PIK3CG: variants seen among roughly 807,000 people sequenced by gnomAD.
PIK3CG encodes phosphatidylinositol 4,5-bisphosphate 3-kinase catalytic subunit gamma isoform.
A neutral mutation model predicts 102.3 loss-of-function variants in PIK3CG; 55 were observed. The ratio of observed to expected loss-of-function variants is 0.54; its 90% CI spans 0.43 to 0.67. The LOEUF (loss-of-function observed/expected upper bound fraction) is 0.67, where lower values mean the gene tolerates loss of function less well. PIK3CG is among the 30% of genes least tolerant of loss of function. PIK3CG has a pLI of 0.00. For synonymous variants in PIK3CG, 552 were observed against 540.0 expected (o/e 1.02, Z -0.31); for missense variants, 1,258 against 1,391.8 (o/e 0.90, Z 1.53).
At position 106,868,845 on chromosome 7, in the gene PIK3CG, A is replaced by G. The variant is rs751429343; in HGVS notation, c.1284A>G (p.Leu428=). 5 of 1,614,162 alleles carry G rather than the reference A, an allele frequency of 3.1e-6. No individual in the cohort carries two copies. In the South Asian group the frequency reaches 5.5e-5, roughly 18 times the overall value. The part of the protein sequence containing the change: ...IKIKDLPKGA[L]LNLQIYCGKA... ...TCAAAGACTTGCCCAAAGGGGCTCT[A>G]CTGAACCTCCAGATCTACTGCGGTA... Residue 428 remains leucine (L), a synonymous_variant, in exon 2 of 11, where the codon CTA becomes CTG. Transcript: ENST00000496166. The surrounding 1 kb of genome is among the most constrained non-coding windows in gnomAD (Gnocchi z 6.2).
Position 106,872,027 on chromosome 7 carries a change from G to A in PIK3CG, c.1996-510G>A, listed in dbSNP as rs955082078. Among the ~76,000 whole-genome samples, 1 of 152,218 alleles carries A rather than the reference G, an allele frequency of 6.6e-6. No homozygotes were observed. The highest frequency in any genetic ancestry group is 2.4e-5 in the African/African-American group (1 of 41,448). Reference sequence around the variant, plus strand: ...AGTTAAGGACCTGTGAGACAGTTCAGTGACTTGCCAGTGAGATGCCGAAAA... The same window carrying A: ...AGTTAAGGACCTGTGAGACAGTTCAATGACTTGCCAGTGAGATGCCGAAAA... On this transcript the variant is annotated intron_variant, in intron 2 of 10. Transcript: ENST00000496166. This position sits in a 1 kb window ranked among gnomAD's most constrained non-coding sequence, Gnocchi z 5.3.
At position 106,894,135 on chromosome 7, in the gene PIK3CG, G is replaced by A. The variant is rs1791339691; in HGVS notation, c.3030+7843G>A. Among the ~76,000 whole-genome samples the A allele has an allele frequency of 6.6e-6, 1 of 152,040 alleles. No homozygotes were observed. Among genetic ancestry groups the A allele is most frequent in the African/African-American group, 2.4e-5 (1 of 41,400 alleles). The stretch of plus-strand genomic sequence containing the variant: ...TTAGCCTCCTTCCCCAACCCATTGT[G>A]GATTGTTTCCTTTCCTTTTTTCAGC... On this transcript the variant is annotated intron_variant, in intron 10 of 10. Coordinates refer to ENST00000496166, the MANE Select transcript of PIK3CG (RefSeq NM_001282426.2). The surrounding 1 kb of genome is among the most constrained non-coding windows in gnomAD (Gnocchi z 4.4).
chr7:106,882,744 G>A (rs1193481002), intron 7 of PIK3CG: 1 of 265,774 alleles, frequency 3.8e-6, no homozygotes, highest in Non-Finnish European at 7.0e-6. Flanking sequence ...ATCTGAGGAA[G>A]GATATGCTCA....
rs1467972918 is a variant in PIK3CG at position 106,906,836 on chromosome 7, T to C, written c.*1449T>C. 8.9e-6 allele frequency: 2 copies of C among 225,882 alleles called. No individual in the cohort carries two copies. The highest frequency in any genetic ancestry group is 2.2e-5 in the African/African-American group (1 of 44,794). The allele number at this position is 225,882 out of a possible 1,614,324, so 14.0% of individuals were successfully genotyped here. A position where few individuals can be genotyped will look rare whatever the true frequency, so the allele number is the denominator to read the frequency against. Reference sequence around the variant, plus strand: ...TGAGGTAGTCCAGACCTTTTCTTTTTTTTTTTTTTTTTAATGTGTGCAAAA... The same window carrying C: ...TGAGGTAGTCCAGACCTTTTCTTTTCTTTTTTTTTTTTAATGTGTGCAAAA... On this transcript the variant is annotated 3_prime_UTR_variant, in exon 11 of 11. Coordinates refer to ENST00000496166, the MANE Select transcript of PIK3CG (RefSeq NM_001282426.2).
chr7:106,888,805 G>A (rs990194649), intron 10 of PIK3CG, among the ~76,000 whole-genome samples: 2 of 152,144 alleles, frequency 1.3e-5, no homozygotes, highest in African/African-American at 2.4e-5. Context: ...GCTTTGTAGC[G>A]GAGAAACTTG....
At position 106,867,775 on chromosome 7, in the gene PIK3CG, G is replaced by A. The variant is rs1183868916; in HGVS notation, c.214G>A (p.Ala72Thr). The A allele has an allele frequency of 1.9e-6, 3 of 1,612,886 alleles. No homozygotes were observed. Among genetic ancestry groups the A allele is most frequent in the Non-Finnish European group, 2.5e-6 (3 of 1,179,936 alleles). ...AGHGNVEQMK[A>T]QVWLRALETS... ...CCACGGCAACGTGGAGCAGATGAAG[G>A]CCCAGGTGTGGCTGCGAGCGCTGGA... The change falls in exon 2 of 11, where the codon GCC (alanine) becomes ACC (threonine). Residue 72 changes from alanine to threonine, a missense_variant. Ala to Thr is a moderately conservative substitution (Grantham distance 58, BLOSUM62 0). Transcript: ENST00000496166. This position sits in a 1 kb window ranked among gnomAD's most constrained non-coding sequence, Gnocchi z 5.1.
chr7:106,891,730 G>A lies in PIK3CG; in HGVS notation c.3030+5438G>A, dbSNP rs963163306. Among the ~76,000 whole-genome samples the A allele has an allele frequency of 5.9e-5, 9 of 152,042 alleles. No individual in the cohort carries two copies. Among genetic ancestry groups the A allele is most frequent in the African/African-American group, 1.9e-4 (8 of 41,396 alleles). On this transcript the variant is annotated intron_variant, in intron 10 of 10. Transcript: ENST00000496166. The surrounding 1 kb of genome is among the most constrained non-coding windows in gnomAD (Gnocchi z 4.4). ...TGTCTTTAAAAGGCACTTGCCCCTA[G>A]ATGTCACTCTTAAGAAGCATTTTAT...
chr7:106,882,055 G>C (rs1790955378), intron 6 of PIK3CG, 62 bp from the exon 7 acceptor site: 1 of 654,036 alleles, frequency 1.5e-6, no homozygotes, highest in Non-Finnish European at 2.2e-6. Flanking sequence ...TTTTAAGGGA[G>C]AAGAAAAATA....
rs141180881 is a variant in PIK3CG at position 106,896,426 on chromosome 7, G to A, written c.3031-8683G>A. Among the ~76,000 whole-genome samples, 291 of 152,260 alleles carry A rather than the reference G, an allele frequency of 1.9e-3. 3 individuals are homozygous for A. Among genetic ancestry groups the A allele is most frequent in the African/African-American group, 5.9e-3 (244 of 41,554 alleles). On this transcript the variant is annotated intron_variant, in intron 10 of 10. Coordinates refer to ENST00000496166, the MANE Select transcript of PIK3CG (RefSeq NM_001282426.2). ...GTACTCTAATTCAAAACCAAAAGGC[G>A]TCCCCATCTATGTCCTTGTGAAAAT...
At position 106,869,617 on chromosome 7, in the gene PIK3CG, C is replaced by G. The variant is rs1790461898; in HGVS notation, c.1995+61C>G. On this transcript the variant is annotated intron_variant, in intron 2 of 10. Coordinates refer to ENST00000496166, the MANE Select transcript of PIK3CG (RefSeq NM_001282426.2). This position sits in a 1 kb window ranked among gnomAD's most constrained non-coding sequence, Gnocchi z 5.3. ...CAAAAGGAATTGATTTGCATATGCA[C>G]AGGCACTCCATTCAGTTGTCATCAA... 7 of 1,340,664 alleles carry G rather than the reference C, an allele frequency of 5.2e-6. No individual in the cohort carries two copies. The South Asian group carries it at 7.1e-5, about 14-fold the overall frequency. The allele number at this position is 1,340,664 out of a possible 1,614,324, so 83.0% of individuals were successfully genotyped here.
intron 1 of PIK3CG, 140 bp downstream of exon 1, chr7:106,865,566 C>G (rs1438542624): frequency 6.6e-6 from 1 of 152,142 alleles, no homozygotes; most frequent in Non-Finnish European, 1.5e-5. Flanking sequence ...ATTGTCTAGT[C>G]CAACCTGTAT....
chr7:106,867,818 A>T lies in PIK3CG; in HGVS notation c.257A>T (p.Asp86Val), dbSNP rs1034199475. The T allele has an allele frequency of 2.5e-6, 4 of 1,612,402 alleles. No individual in the cohort carries two copies. Among genetic ancestry groups the T allele is most frequent in the Non-Finnish European group, 3.4e-6 (4 of 1,179,930 alleles). The change falls in exon 2 of 11, where the codon GAC (aspartate) becomes GTC (valine). Residue 86 changes from aspartate to valine, a missense_variant. Asp to Val is a radical substitution (Grantham distance 152). Coordinates refer to ENST00000496166, the MANE Select transcript of PIK3CG (RefSeq NM_001282426.2). The surrounding 1 kb of genome is among the most constrained non-coding windows in gnomAD (Gnocchi z 5.1). ...LRALETSVAA[D>V]FYHRLGPHHF... ...GCGCTGGAGACCAGCGTGGCGGCGGACTTCTACCACCGGCTGGGACCGCAT... is the reference window on the plus strand; with the variant it reads ...GCGCTGGAGACCAGCGTGGCGGCGGTCTTCTACCACCGGCTGGGACCGCAT...
rs2116560885 is a variant in PIK3CG at position 106,886,172 on chromosome 7, G to T, written c.2910G>T (p.Gly970=). 3 of 1,614,016 alleles carry T rather than the reference G, an allele frequency of 1.9e-6. No individual in the cohort carries two copies. The highest frequency in any genetic ancestry group is 2.5e-6 in the Non-Finnish European group (3 of 1,179,958). Residue 970 remains glycine, a synonymous_variant, in exon 10 of 11, where the codon GGG becomes GGT. Transcript: ENST00000496166. ...LFHIDFGHIL[G]NYKSFLGINK... Reference sequence around the variant, plus strand: ...ATATTGACTTCGGGCACATTCTTGGGAATTACAAAAGTTTCCTGGGCATTA... The same window carrying T: ...ATATTGACTTCGGGCACATTCTTGGTAATTACAAAAGTTTCCTGGGCATTA...
chr7:106,867,287 A>G lies in PIK3CG; in HGVS notation c.-12-263A>G, dbSNP rs1790318137. On this transcript the variant is annotated intron_variant, in intron 1 of 10. Coordinates refer to ENST00000496166, the MANE Select transcript of PIK3CG (RefSeq NM_001282426.2). The surrounding 1 kb of genome is among the most constrained non-coding windows in gnomAD (Gnocchi z 5.1). ...CTCTCCCTCTGGGGCATTCATTACT[A>G]ACCAGTTTGAGAGATGAGAAACAGG... is the stretch of plus-strand genomic sequence containing the variant. Among the ~76,000 whole-genome samples, 1 of 152,154 alleles carries G rather than the reference A, an allele frequency of 6.6e-6. No homozygotes were observed.
intron 10 of PIK3CG, among the ~76,000 whole-genome samples, chr7:106,904,134 A>G (rs1791630203): frequency 6.6e-6 from 1 of 152,174 alleles, no homozygotes; most frequent in African/African-American, 2.4e-5. Context: ...AATTTCAAAT[A>G]ATTCTTCACA....
In PIK3CG at chr7:106,905,447, C is replaced by G. The variant is rs570872249; in HGVS notation, c.*60C>G. 12 of 1,483,374 alleles carry G rather than the reference C, an allele frequency of 8.1e-6. No homozygotes were observed. The highest frequency in any genetic ancestry group is 1.1e-5 in the Non-Finnish European group (12 of 1,090,104). The allele number at this position is 1,483,374 out of a possible 1,614,324, so 91.9% of individuals were successfully genotyped here. A position where few individuals can be genotyped will look rare whatever the true frequency, so the allele number is the denominator to read the frequency against. ...CTATGGTTTAAATTAGCATAGCAAT[C>G]ATCGAACTTGGATTTCAAATGCAAT... On this transcript the variant is annotated 3_prime_UTR_variant, in exon 11 of 11. Coordinates refer to ENST00000496166, the MANE Select transcript of PIK3CG (RefSeq NM_001282426.2). This position sits in a 1 kb window ranked among gnomAD's most constrained non-coding sequence, Gnocchi z 5.6.
Position 106,892,408 on chromosome 7 carries a change from C to T in PIK3CG, c.3030+6116C>T, listed in dbSNP as rs1049248936. On this transcript the variant is annotated intron_variant, in intron 10 of 10. Coordinates refer to ENST00000496166, the MANE Select transcript of PIK3CG (RefSeq NM_001282426.2). This position sits in a 1 kb window ranked among gnomAD's most constrained non-coding sequence, Gnocchi z 5.2. ...TAAATACATACTACAGTTTAGGCAC[C>T]GTGCCAGGCATAAAGAAGGATCAGG... is the stretch of plus-strand genomic sequence containing the variant. 5.9e-5 allele frequency among the ~76,000 whole-genome samples: 9 copies of T among 152,198 alleles called. No individual in the cohort carries two copies. Among genetic ancestry groups the T allele is most frequent in the Admixed American group, 1.3e-4 (2 of 15,288 alleles).
chr7:106,877,333 G>A lies in PIK3CG; in HGVS notation c.2392-2186G>A, dbSNP rs1790783362. On this transcript the variant is annotated intron_variant, in intron 5 of 10. Coordinates refer to ENST00000496166, the MANE Select transcript of PIK3CG (RefSeq NM_001282426.2). The surrounding 1 kb of genome is among the most constrained non-coding windows in gnomAD (Gnocchi z 4.5). The stretch of plus-strand genomic sequence containing the variant: ...TGGGAGAATGCTATTGGCATCTAGT[G>A]GGTAGAGGCCAGGGATGCTGCCAAA... Among the ~76,000 whole-genome samples the A allele has an allele frequency of 6.6e-6, 1 of 152,204 alleles. No homozygotes were observed.
chr7:106,896,457 A>G (rs1435097285), intron 10 of PIK3CG, among the ~76,000 whole-genome samples: 1 of 152,190 alleles, frequency 6.6e-6, no homozygotes, highest in Non-Finnish European at 1.5e-5. Context: ...AAAATTGTGC[A>G]AGTTGGCAAA....
Sources: gnomAD v4.1 joint callset for allele counts (sites outside exome capture counted in the v4.1 genomes callset) on GRCh38, gnomAD v4.1.1 for gene constraint, Gnocchi (gnomAD v3.1) non-coding constraint, MANE v1.5 for transcripts, NCBI Gene and HGNC (gene_info 2026-07-23, HGNC 2026-07-21) for gene names.